MYO18B: variants seen among roughly 807,000 people sequenced by gnomAD.
The protein encoded by MYO18B is unconventional myosin-XVIIIb.
Under a neutral mutation model 273.0 loss-of-function variants are expected in MYO18B, and 204 were observed. That is an observed-to-expected ratio of 0.75 (90% CI 0.67 to 0.84). The LOEUF (loss-of-function observed/expected upper bound fraction) is 0.84. Among genes scored for constraint, MYO18B ranks in the 40% least tolerant of loss-of-function variants. The pLI is 0.00. For synonymous variants in MYO18B, 1,330 were observed against 1,305.7 expected (o/e 1.02, Z -0.40); for missense variants, 3,212 against 3,287.6 (o/e 0.98, Z 0.56).
intron 37 of MYO18B, 60 bp from the exon 38 acceptor site, chr22:25,952,226 A>G: frequency 1.3e-6 from 2 of 1,574,832 alleles, no homozygotes; most frequent in Non-Finnish European, 1.7e-6. Context: ...GGTCCTGCAC[A>G]TGTCTCTGTC....
intron 40 of MYO18B, among the ~76,000 whole-genome samples, chr22:25,993,408 G>T (rs1474095392): frequency 6.6e-6 from 1 of 152,144 alleles, no homozygotes; most frequent in Non-Finnish European, 1.5e-5. Context: ...GAATCTACAG[G>T]GTGGTTCCCT....
At position 25,777,638 on chromosome 22, in the gene MYO18B, G is replaced by A. The variant is rs543606389; in HGVS notation, c.1925G>A (p.Arg642Gln). 39 of 1,611,712 alleles carry A rather than the reference G, an allele frequency of 2.4e-5. No individual in the cohort carries two copies. Among genetic ancestry groups the A allele is most frequent in the Middle Eastern group, 1.7e-4 (1 of 6,002 alleles). The change falls in exon 8 of 44, where the codon CGG becomes CAG. Residue 642 changes from arginine (R) to glutamine (Q), a missense_variant. Transcript: ENST00000335473. Reference sequence around the variant, plus strand: ...GCCCACATTGGCTCCATGGCACAGCGGGCATACTGGGCGCTGCTGAACCAG... The same window carrying A: ...GCCCACATTGGCTCCATGGCACAGCAGGCATACTGGGCGCTGCTGAACCAG... ...LPAHIGSMAQRAYWALLNQRR... is the reference protein window; with the variant it reads ...LPAHIGSMAQQAYWALLNQRR...
intron 39 of MYO18B, 90 bp downstream of exon 39, chr22:25,955,454 C>G (rs986713728): frequency 1.1e-5 from 16 of 1,395,342 alleles, no homozygotes; most frequent in Middle Eastern, 5.3e-4. Context: ...ATGGGAGACT[C>G]ATAGGTTTGG....
At chr22:25,824,352 A>G (rs943392462) in intron 13 of MYO18B, among the ~76,000 whole-genome samples, 2 of 152,132 alleles carry the variant, frequency 1.3e-5, no homozygotes, top group Admixed American at 1.3e-4. Context: ...AGCTGAGGTG[A>G]TAGCATGGGC....
At position 25,950,396 on chromosome 22, in the gene MYO18B, A is replaced by G. The variant is rs755433652; in HGVS notation, c.5778A>G (p.Glu1926=). 1 of 1,607,258 alleles carries G rather than the reference A, an allele frequency of 6.2e-7. No homozygotes were observed. The highest frequency in any genetic ancestry group is 8.5e-7 in the Non-Finnish European group (1 of 1,176,788). Residue 1926 remains glutamate, a synonymous_variant, in exon 37 of 44, where the codon GAA becomes GAG. Coordinates refer to ENST00000335473, the MANE Select transcript of MYO18B (RefSeq NM_032608.7). ...CTGCTGACATTGGGCAGATCCAAGA[A>G]CTGCAGCTGCAGCTGGAGGAAGCCA... The part of the protein sequence containing the change: ...QSAADIGQIQ[E]LQLQLEEAKK...
intron 15 of MYO18B, 58 bp from the exon 16 acceptor site, chr22:25,832,858 GT>G (rs2089761247): frequency 6.9e-7 from 1 of 1,457,392 alleles, no homozygotes; most frequent in Non-Finnish European, 9.6e-7. Context: ...TTCTTCAGAA[GT>G]TTTCTTCCCC....
At position 25,768,890 on chromosome 22, in the gene MYO18B, GGAGTA is replaced by G; in HGVS notation, c.975_979del (p.Ser326ValfsTer7). 1 of 1,613,074 alleles carries G rather than the reference GGAGTA, an allele frequency of 6.2e-7. No homozygotes were observed. Among genetic ancestry groups the G allele is most frequent in the Non-Finnish European group, 8.5e-7 (1 of 1,179,524 alleles). On this transcript the variant is annotated frameshift_variant, in exon 4 of 44. Transcript: ENST00000335473. LOFTEE classifies it high-confidence loss of function. ...AAGTGGGGAGGTTTCCTGGGAAGAA[GGAGTA>G]AGTGGGACGGTCCCCAGAATAAGAA...
intron 25 of MYO18B, among the ~76,000 whole-genome samples, chr22:25,888,272 AT>A (rs938582310): frequency 6.6e-6 from 1 of 151,754 alleles, no homozygotes; most frequent in Non-Finnish European, 1.5e-5. Context: ...ATTTTCTTTT[AT>A]TTTTTTAAGA....
In MYO18B at chr22:25,947,732, G is replaced by T. The variant is rs1289064142; in HGVS notation, c.5652G>T (p.Arg1884Ser). ...CCCAGGTGGATGAGCAGCTGTACAG[G>T]CTGCAGTTTGAGAAGGCGGACCTCC... ...NKSLVDEQLY[R>S]LQFEKADLLK... Residue 1884 changes from arginine (R) to serine (S), a missense_variant, in exon 36 of 44, where the codon AGG becomes AGT. By Grantham distance (110) the Arg-to-Ser change is moderately radical (BLOSUM62 -1). Transcript: ENST00000335473. 1 of 1,613,592 alleles carries T rather than the reference G, an allele frequency of 6.2e-7. No individual in the cohort carries two copies. The highest frequency in any genetic ancestry group is 1.1e-5 in the South Asian group (1 of 91,026).
chr22:25,747,837 C>T (rs557272465), intron 1 of MYO18B, among the ~76,000 whole-genome samples: 1 of 152,276 alleles, frequency 6.6e-6, no homozygotes, highest in South Asian at 2.1e-4. Context: ...GCATCTAGTA[C>T]TCAAACCGCT....
At chr22:25,967,643 A>C (rs1409635684) in intron 39 of MYO18B, among the ~76,000 whole-genome samples, 5 of 152,210 alleles carry the variant, frequency 3.3e-5, no homozygotes, top group Admixed American at 6.5e-5. Flanking sequence ...GGAAAGATGA[A>C]TATAACTTGT....
chr22:26,037,775 A>C, the MYO18B span, among the ~76,000 whole-genome samples: 1 of 152,208 alleles, frequency 6.6e-6, no homozygotes, highest in Non-Finnish European at 1.5e-5. Context: ...AGAAGAGTTT[A>C]AATGTGTCCT....
chr22:25,796,086 A>T (rs1057311350), intron 11 of MYO18B, among the ~76,000 whole-genome samples: 2 of 152,170 alleles, frequency 1.3e-5, no homozygotes, highest in African/African-American at 2.4e-5. Flanking sequence ...CTGGTGGATT[A>T]TTGACAAAAG....
intron 21 of MYO18B, among the ~76,000 whole-genome samples, chr22:25,862,914 TCTC>T (rs1390051884): frequency 6.6e-6 from 1 of 152,070 alleles, no homozygotes; most frequent in African/African-American, 2.4e-5. Flanking sequence ...TCTTTGTCTT[TCTC>T]CTCTTCTTCT....
At chr22:25,986,999 C>T (rs2093209099) in intron 39 of MYO18B, among the ~76,000 whole-genome samples, 1 of 152,084 alleles carries the variant, frequency 6.6e-6, no homozygotes, top group Non-Finnish European at 1.5e-5. Context: ...AAGAAAGCAA[C>T]AAGATGAATT....
At chr22:25,745,968 T>TTACA (rs1308920493) in intron 1 of MYO18B, among the ~76,000 whole-genome samples, 1 of 152,154 alleles carries the variant, frequency 6.6e-6, no homozygotes, top group African/African-American at 2.4e-5. Context: ...TAGCCCCATT[T>TTACA]TACAGGCCAG....
chr22:25,930,580 G>A (rs370691076), intron 34 of MYO18B, among the ~76,000 whole-genome samples: 28 of 151,106 alleles, frequency 1.9e-4, no homozygotes, highest in African/African-American at 6.3e-4. Flanking sequence ...GTGCAATCGC[G>A]GTTTACTACA....
At chr22:25,748,122 AG>A (rs1156980906) in intron 1 of MYO18B, among the ~76,000 whole-genome samples, 2 of 152,212 alleles carry the variant, frequency 1.3e-5, no homozygotes, top group Non-Finnish European at 2.9e-5. Flanking sequence ...CCCTGAGAAA[AG>A]GCTGAAGGTG....
rs751337546 is a variant in MYO18B at position 25,769,163 on chromosome 22, G to C, written c.1247G>C (p.Cys416Ser). The stretch of plus-strand genomic sequence containing the variant: ...GCTCGGAGTCAGACAGAGAAGGGCT[G>C]TGAAGCCCCAAAGGAGGTGAGCACA... ...GEARSQTEKG[C>S]EAPKEVSTMV... The change falls in exon 4 of 44, where the codon TGT becomes TCT. Residue 416 changes from cysteine to serine, a missense_variant. Physicochemically the swap from Cys to Ser is moderately radical, Grantham distance 112. Coordinates refer to ENST00000335473, the MANE Select transcript of MYO18B (RefSeq NM_032608.7). The C allele has an allele frequency of 6.2e-7, 1 of 1,612,958 alleles. No homozygotes were observed. Among genetic ancestry groups the C allele is most frequent in the Non-Finnish European group, 8.5e-7 (1 of 1,179,496 alleles).
Sources: allele counts gnomAD v4.1 joint callset (sites outside exome capture counted in the v4.1 genomes callset), GRCh38; gene constraint gnomAD v4.1.1; transcripts MANE v1.5; gene names NCBI Gene and HGNC (gene_info 2026-07-23, HGNC 2026-07-21).